The following SLC44A5 variants were observed in gnomAD, a reference collection of about 807,000 sequenced individuals.
SLC44A5 encodes the protein choline transporter-like protein 5.
In SLC44A5, 57 loss-of-function variants were observed where a neutral mutation model predicts 101.8. The ratio of observed to expected loss-of-function variants is 0.56; its 90% CI spans 0.45 to 0.70. The LOEUF (loss-of-function observed/expected upper bound fraction) is 0.70. Ranked by LOEUF, SLC44A5 falls within the 30% of genes least tolerant of loss-of-function variation. The probability of loss-of-function intolerance (pLI) is 0.00; values close to 1 mark genes in which losing one functional copy is unlikely to be tolerated. For synonymous variants in SLC44A5, 281 were observed against 290.9 expected, an observed-to-expected ratio of 0.97 and a Z score of 0.35; for missense variants, 737 against 853.1, an observed-to-expected ratio of 0.86 and a Z score of 1.70.
intron 3 of SLC44A5, among the ~76,000 whole-genome samples, chr1:75,385,871 G>A (rs1661300160): frequency 6.6e-6 from 1 of 151,960 alleles, no homozygotes; most frequent in Non-Finnish European, 1.5e-5. Flanking sequence ...TGATCAAATC[G>A]GCTTCATCCC....
intron 14 of SLC44A5, among the ~76,000 whole-genome samples, chr1:75,220,349 A>G (rs1298255387): frequency 1.3e-5 from 2 of 152,202 alleles, no homozygotes; most frequent in East Asian, 3.9e-4. Flanking sequence ...GACATGGCTT[A>G]TTCTATTTTC....
chr1:75,530,969 A>G (rs533975930), intron 2 of SLC44A5, among the ~76,000 whole-genome samples: 13 of 152,334 alleles, frequency 8.5e-5, no homozygotes, highest in Admixed American at 8.5e-4. Flanking sequence ...TTAAAGTTAG[A>G]AAGTGTAAGG....
At chr1:75,601,965 C>T (rs1231730829) in intron 1 of SLC44A5, among the ~76,000 whole-genome samples, 1 of 152,114 alleles carries the variant, frequency 6.6e-6, no homozygotes. Flanking sequence ...GAAGTCTGAA[C>T]TTGTGAAAAT....
chr1:75,267,513 T>A (rs1396000382), intron 6 of SLC44A5, among the ~76,000 whole-genome samples: 2 of 152,102 alleles, frequency 1.3e-5, no homozygotes, highest in Non-Finnish European at 2.9e-5. Context: ...TTTTCTGTCA[T>A]GATTCTATAA....
the SLC44A5 span, among the ~76,000 whole-genome samples, chr1:75,678,924 G>C: frequency 2.9e-3 from 444 of 152,312 alleles, 3 homozygotes; most frequent in African/African-American, 1.0e-2. Flanking sequence ...TAAAGGAGCT[G>C]ATGGAGCTGA....
the SLC44A5 span, among the ~76,000 whole-genome samples, chr1:75,670,289 C>T: frequency 4.6e-5 from 7 of 151,942 alleles, no homozygotes; most frequent in African/African-American, 1.7e-4. Flanking sequence ...GTTATTTGAT[C>T]CCAGAGTTGA....
chr1:75,236,773 C>T (rs11162873), intron 11 of SLC44A5, among the ~76,000 whole-genome samples: 42,823 of 151,862 alleles, frequency 0.28, 6,347 homozygotes, highest in Middle Eastern at 0.36. Context: ...AAAATTTACA[C>T]TCTGCCAACA....
chr1:75,340,128 A>C (rs1215463203), intron 3 of SLC44A5, among the ~76,000 whole-genome samples: 1 of 152,208 alleles, frequency 6.6e-6, no homozygotes, highest in Non-Finnish European at 1.5e-5. Flanking sequence ...ATGGTACATA[A>C]AAATTAATGT....
intron 2 of SLC44A5, among the ~76,000 whole-genome samples, chr1:75,527,846 A>G (rs1471722194): frequency 6.6e-6 from 1 of 152,194 alleles, no homozygotes; most frequent in East Asian, 1.9e-4. Context: ...TATCACATAT[A>G]CGATTGCAGC....
chr1:75,499,077 T>C (rs1668813978), intron 2 of SLC44A5, among the ~76,000 whole-genome samples: 2 of 152,186 alleles, frequency 1.3e-5, no homozygotes, highest in Non-Finnish European at 2.9e-5. Context: ...GCATGCTGTG[T>C]AGGTTGGTAG....
chr1:75,446,762 A>C (rs1317696966), intron 2 of SLC44A5, among the ~76,000 whole-genome samples: 1 of 151,982 alleles, frequency 6.6e-6, no homozygotes, highest in East Asian at 1.9e-4. Flanking sequence ...CTATTTGGTA[A>C]ATCTGTCTTT....
intron 5 of SLC44A5, among the ~76,000 whole-genome samples, chr1:75,287,426 C>CTT (rs371647505): frequency 0.12 from 8,042 of 69,684 alleles, 492 homozygotes; most frequent in African/African-American, 0.18. Flanking sequence ...CTTCTGAATT[C>CTT]TTTTTTTTTT....
chr1:75,222,222 C>T (rs1470026411), intron 14 of SLC44A5, 139 bp downstream of exon 14: 4 of 633,126 alleles, frequency 6.3e-6, no homozygotes, highest in Non-Finnish European at 1.1e-5. Flanking sequence ...TCCCAAAGTG[C>T]TGGGATTACA....
chr1:75,359,959 T>C (rs1659367906), intron 3 of SLC44A5, among the ~76,000 whole-genome samples: 2 of 152,228 alleles, frequency 1.3e-5, no homozygotes, highest in South Asian at 4.1e-4. Context: ...GTCATTTATA[T>C]ATCTTTTTTT....
At chr1:75,708,408 C>T in the SLC44A5 span, among the ~76,000 whole-genome samples, 15 of 92,826 alleles carry the variant, frequency 1.6e-4, no homozygotes, top group Middle Eastern at 8.3e-3. Context: ...AGCAAGACTC[C>T]GTCTCAAAAA....
chr1:75,457,080 C>T (rs528863557), intron 2 of SLC44A5, among the ~76,000 whole-genome samples: 3 of 152,052 alleles, frequency 2.0e-5, no homozygotes, highest in African/African-American at 4.8e-5. Flanking sequence ...GCCTCTTGCC[C>T]GTGACTACTT....
At chr1:75,257,701 T>C (rs1332189230) in intron 6 of SLC44A5, among the ~76,000 whole-genome samples, 1 of 152,114 alleles carries the variant, frequency 6.6e-6, no homozygotes, top group Non-Finnish European at 1.5e-5. Flanking sequence ...AAGAGAAAGC[T>C]TCTACTGGGT....
At chr1:75,663,728 GTACCAATTC>G in the SLC44A5 span, among the ~76,000 whole-genome samples, 2 of 152,110 alleles carry the variant, frequency 1.3e-5, no homozygotes, top group Admixed American at 1.3e-4. Context: ...AGAAGAGCTG[GTACCAATTC>G]TACTGAAACT....
intron 4 of SLC44A5, among the ~76,000 whole-genome samples, chr1:75,337,779 G>A (rs1657564062): frequency 6.6e-6 from 1 of 152,126 alleles, no homozygotes; most frequent in African/African-American, 2.4e-5. Context: ...ATTCAGTTGG[G>A]TGGTGACTAG....
Sources: allele counts gnomAD v4.1 joint callset (sites outside exome capture counted in the v4.1 genomes callset), GRCh38; gene constraint gnomAD v4.1.1; transcripts MANE v1.5; gene names NCBI Gene and HGNC (gene_info 2026-07-23, HGNC 2026-07-21).